The following CFAP91 variants were observed in gnomAD, a reference collection of about 807,000 sequenced individuals.
CFAP91 encodes the protein cilia and flagella associated protein 91.
CFAP91 carries 85 observed loss-of-function variants against 95.9 expected under a neutral mutation model. The ratio of observed to expected loss-of-function variants is 0.89; its 90% CI spans 0.74 to 1.06. The LOEUF (loss-of-function observed/expected upper bound fraction) is 1.06, where lower values mean the gene tolerates loss of function less well. Ranked by LOEUF, CFAP91 falls within the 50% of genes least tolerant of loss-of-function variation. The pLI is 0.00. For synonymous variants in CFAP91, 335 were observed against 327.5 expected (o/e 1.02, Z -0.25); for missense variants, 962 against 943.4 (o/e 1.02, Z -0.26).
At chr3:119,739,396 T>C (rs577321057) in intron 12 of CFAP91, 70 bp downstream of exon 12, 11 of 1,415,142 alleles carry the variant, frequency 7.8e-6, no homozygotes, top group African/African-American at 5.6e-5. Context: ...CATATGTGCT[T>C]GGTTCCTTGG....
intron 17 of CFAP91, among the ~76,000 whole-genome samples, chr3:119,756,738 G>A (rs911884353): frequency 1.3e-5 from 2 of 152,050 alleles, no homozygotes; most frequent in Non-Finnish European, 2.9e-5. Context: ...AACCTCTAGG[G>A]TAACTCTGAA....
chr3:119,744,305 C>T, intron 14 of CFAP91, 109 bp downstream of exon 14: 1 of 817,050 alleles, frequency 1.2e-6, no homozygotes, highest in East Asian at 2.7e-5. Context: ...GCATTGAGTT[C>T]CTACTGTATG....
At chr3:119,745,640 T>G (rs1397486952) in intron 14 of CFAP91, among the ~76,000 whole-genome samples, 1 of 152,258 alleles carries the variant, frequency 6.6e-6, no homozygotes, top group Non-Finnish European at 1.5e-5. Context: ...TTGATCCATA[T>G]AGATCCAACT....
intron 17 of CFAP91, among the ~76,000 whole-genome samples, chr3:119,761,372 C>G (rs1422491677): frequency 5.9e-5 from 9 of 151,720 alleles, no homozygotes; most frequent in East Asian, 5.8e-4. Context: ...AATGAAAAGA[C>G]TCTCATCAAA....
intron 6 of CFAP91, among the ~76,000 whole-genome samples, chr3:119,724,239 T>C (rs1336268057): frequency 6.6e-6 from 1 of 151,966 alleles, no homozygotes; most frequent in Non-Finnish European, 1.5e-5. Context: ...ATTATTATAA[T>C]TCATAGACAC....
chr3:119,749,552 A>C (rs1407930339), intron 16 of CFAP91, among the ~76,000 whole-genome samples: 2 of 151,966 alleles, frequency 1.3e-5, no homozygotes, highest in African/African-American at 4.8e-5. Flanking sequence ...CTAGTTTGTG[A>C]TCCCCTCTCC....
chr3:119,712,593 A>G (rs972582745), intron 5 of CFAP91, among the ~76,000 whole-genome samples: 1 of 152,226 alleles, frequency 6.6e-6, no homozygotes, highest in Non-Finnish European at 1.5e-5. Flanking sequence ...GAAGCCATAT[A>G]TTATCTACAT....
chr3:119,726,206 A>G lies in CFAP91; in HGVS notation c.718A>G (p.Met240Val). 6.2e-7 allele frequency: 1 copy of G among 1,612,900 alleles called. No individual in the cohort carries two copies. The highest frequency in any genetic ancestry group is 8.5e-7 in the Non-Finnish European group (1 of 1,179,544). ...CCCAGCAGGACAAGCTGAGGTGGAG[A>G]TGATAGAAAGAGCCCGCGAGAAGCG... is the stretch of plus-strand genomic sequence containing the variant. Reference protein sequence around the residue: ...GLPAGQAEVEMIERAREKRAW... With the variant: ...GLPAGQAEVEVIERAREKRAW... The change falls in exon 7 of 18, where the codon ATG becomes GTG. Residue 240 changes from methionine (M) to valine (V), a missense_variant. Physicochemically the swap from Met to Val is conservative, Grantham distance 21. Transcript: ENST00000273390.
chr3:119,705,172 T>G (rs1343037866), intron 1 of CFAP91, among the ~76,000 whole-genome samples: 1 of 152,246 alleles, frequency 6.6e-6, no homozygotes, highest in Non-Finnish European at 1.5e-5. Flanking sequence ...TCTTGACTAA[T>G]TAGCCCTAAA....
chr3:119,739,814 A>G lies in CFAP91; in HGVS notation c.1533+488A>G, dbSNP rs186607177. On this transcript the variant is annotated intron_variant, in intron 12 of 17. Transcript: ENST00000273390. Reference sequence around the variant, plus strand: ...GCCCACACTATTTATTCTTTGCTCTACATATGTTGTCTCATTTTTTTTTCC... The same window carrying G: ...GCCCACACTATTTATTCTTTGCTCTGCATATGTTGTCTCATTTTTTTTTCC... 2.0e-4 allele frequency among the ~76,000 whole-genome samples: 30 copies of G among 152,304 alleles called. No individual in the cohort carries two copies. In the East Asian group the frequency reaches 5.2e-3, roughly 26 times the overall value.
intron 13 of CFAP91, among the ~76,000 whole-genome samples, chr3:119,741,466 T>A (rs2054120461): frequency 6.6e-6 from 1 of 152,214 alleles, no homozygotes; most frequent in South Asian, 2.1e-4. Context: ...TACTGTTTCA[T>A]GATATGTGGT....
At chr3:119,724,168 CAAAAA>C (rs60965924) in intron 6 of CFAP91, among the ~76,000 whole-genome samples, 1 of 98,802 alleles carries the variant, frequency 1.0e-5, no homozygotes, top group African/African-American at 3.7e-5. Flanking sequence ...GACTTCATCT[CAAAAA>C]AAAAAAAAAA....
intron 6 of CFAP91, among the ~76,000 whole-genome samples, chr3:119,720,437 A>G (rs545819637): frequency 6.6e-6 from 1 of 151,966 alleles, no homozygotes; most frequent in Non-Finnish European, 1.5e-5. Flanking sequence ...AAATTATACA[A>G]TTTTTAAAGA....
chr3:119,744,278 ATTTGGCT>A, intron 14 of CFAP91, 82 bp downstream of exon 14: 1 of 1,172,716 alleles, frequency 8.5e-7, no homozygotes, highest in East Asian at 2.5e-5. Context: ...ATAAAATGGC[ATTTGGCT>A]TTTGTTTATG....
intron 17 of CFAP91, among the ~76,000 whole-genome samples, chr3:119,755,111 T>G (rs1033085458): frequency 2.0e-5 from 3 of 152,224 alleles, no homozygotes; most frequent in African/African-American, 7.2e-5. Flanking sequence ...AGAATAATTT[T>G]GCCTCAGGAC....
At chr3:119,755,398 A>G (rs1430598163) in intron 17 of CFAP91, among the ~76,000 whole-genome samples, 4 of 152,180 alleles carry the variant, frequency 2.6e-5, no homozygotes, top group South Asian at 2.1e-4. Flanking sequence ...AGAGAAGGTA[A>G]TGAGGGAAGA....
In CFAP91 at chr3:119,747,921, T is replaced by C. The variant is rs1472905315; in HGVS notation, c.2143+19T>C. 9.0e-6 allele frequency: 14 copies of C among 1,558,924 alleles called. No individual in the cohort carries two copies. Among genetic ancestry groups the C allele is most frequent in the Non-Finnish European group, 1.1e-5 (13 of 1,135,176 alleles). On this transcript the variant is annotated intron_variant, in intron 16 of 17. Coordinates refer to ENST00000273390, the MANE Select transcript of CFAP91 (RefSeq NM_033364.4). ...GAAAAAGGTAAGCCAATGTAAATGCTTTACTTTAGGATTTTTTAAAGATGT... is the reference window on the plus strand; with the variant it reads ...GAAAAAGGTAAGCCAATGTAAATGCCTTACTTTAGGATTTTTTAAAGATGT...
intron 6 of CFAP91, among the ~76,000 whole-genome samples, chr3:119,719,030 C>T (rs1016349577): frequency 1.3e-5 from 2 of 152,016 alleles, no homozygotes; most frequent in Admixed American, 6.6e-5. Flanking sequence ...CTGAAAACAA[C>T]CCAAATGTCC....
chr3:119,753,843 A>G (rs941658236), intron 17 of CFAP91, among the ~76,000 whole-genome samples: 2 of 152,160 alleles, frequency 1.3e-5, no homozygotes, highest in African/African-American at 4.8e-5. Context: ...CGCACAGTCC[A>G]TTGTATCATT....
Sources: gnomAD v4.1 joint callset for allele counts (sites outside exome capture counted in the v4.1 genomes callset) on GRCh38, gnomAD v4.1.1 for gene constraint, MANE v1.5 for transcripts, NCBI Gene and HGNC (gene_info 2026-07-23, HGNC 2026-07-21) for gene names.